Variants in SPIDR observed in about 807,000 individuals in gnomAD.
SPIDR encodes scaffold protein involved in DNA repair.
SPIDR carries 93 observed loss-of-function variants against 104.6 expected under a neutral mutation model. The ratio of observed to expected loss-of-function variants is 0.89; its 90% CI spans 0.75 to 1.06. The LOEUF (loss-of-function observed/expected upper bound fraction) is 1.06, where lower values mean the gene tolerates loss of function less well. Among genes scored for constraint, SPIDR ranks in the 50% least tolerant of loss-of-function variants. SPIDR has a pLI of 0.00. For synonymous variants in SPIDR, 431 were observed against 416.9 expected (o/e 1.03, Z -0.41); for missense variants, 1,154 against 1,111.2 (o/e 1.04, Z -0.55).
intron 5 of SPIDR, among the ~76,000 whole-genome samples, chr8:47,322,570 C>T (rs1244160314): frequency 6.6e-6 from 1 of 152,158 alleles, no homozygotes; most frequent in African/African-American, 2.4e-5. Context: ...CCATTTGACC[C>T]AGCCATCCCA....
intron 5 of SPIDR, among the ~76,000 whole-genome samples, chr8:47,390,210 C>T (rs782260783): frequency 6.6e-6 from 1 of 152,092 alleles, no homozygotes; most frequent in Non-Finnish European, 1.5e-5. Flanking sequence ...GAGCCATCTC[C>T]CAGTTGCCAG....
At chr8:47,469,905 T>C (rs782619070) in intron 8 of SPIDR, among the ~76,000 whole-genome samples, 1 of 152,144 alleles carries the variant, frequency 6.6e-6, no homozygotes, top group Non-Finnish European at 1.5e-5. Context: ...TGAAATAAAT[T>C]AAGGAAGACA....
chr8:47,409,374 T>C (rs1033551526), intron 7 of SPIDR, among the ~76,000 whole-genome samples: 1 of 152,154 alleles, frequency 6.6e-6, no homozygotes, highest in Non-Finnish European at 1.5e-5. Flanking sequence ...TTGCTTGATA[T>C]TGAAAAGATT....
chr8:47,348,594 A>G (rs1554620010), intron 5 of SPIDR, among the ~76,000 whole-genome samples: 3 of 152,330 alleles, frequency 2.0e-5, no homozygotes, highest in South Asian at 2.1e-4. Context: ...AGGTACACCA[A>G]TCAAACATAG....
chr8:47,330,436 G>A (rs2048469004), intron 5 of SPIDR, among the ~76,000 whole-genome samples: 1 of 152,176 alleles, frequency 6.6e-6, no homozygotes, highest in African/African-American at 2.4e-5. Context: ...TTGAACAAAT[G>A]TATAAAAATA....
chr8:47,575,462 T>C (rs1473542744), intron 8 of SPIDR, among the ~76,000 whole-genome samples: 7 of 148,516 alleles, frequency 4.7e-5, no homozygotes, highest in Non-Finnish European at 7.4e-5. Flanking sequence ...GCTAACACGG[T>C]GAAACCCCGT....
intron 8 of SPIDR, among the ~76,000 whole-genome samples, chr8:47,573,943 T>G (rs2058800281): frequency 6.6e-6 from 1 of 152,236 alleles, no homozygotes; most frequent in African/African-American, 2.4e-5. Context: ...AGAGAAATTA[T>G]GCTTCCTCTG....
At chr8:47,338,312 T>C (rs2050134609) in intron 5 of SPIDR, among the ~76,000 whole-genome samples, 1 of 152,206 alleles carries the variant, frequency 6.6e-6, no homozygotes, top group Admixed American at 6.5e-5. Context: ...CCCATATAAA[T>C]TTAACATGAC....
intron 5 of SPIDR, among the ~76,000 whole-genome samples, chr8:47,348,515 T>C (rs1554619941): frequency 6.6e-6 from 1 of 152,218 alleles, no homozygotes; most frequent in Non-Finnish European, 1.5e-5. Flanking sequence ...GTTGGGGAAG[T>C]TTTCCTGGAT....
At chr8:47,661,157 G>A (rs975468426) in intron 10 of SPIDR, among the ~76,000 whole-genome samples, 3 of 152,194 alleles carry the variant, frequency 2.0e-5, no homozygotes, top group African/African-American at 7.2e-5. Context: ...TCACTTGACG[G>A]ACTGTTATTC....
At chr8:47,652,861 T>C (rs1442116519) in intron 10 of SPIDR, among the ~76,000 whole-genome samples, 1 of 152,166 alleles carries the variant, frequency 6.6e-6, no homozygotes, top group Non-Finnish European at 1.5e-5. Context: ...AGCCAGTCAG[T>C]CAGCTTAGAA....
intron 10 of SPIDR, among the ~76,000 whole-genome samples, chr8:47,626,333 G>T (rs1483304991): frequency 7.9e-5 from 12 of 152,144 alleles, no homozygotes; most frequent in Non-Finnish European, 1.8e-4. Context: ...CATGGGCAAG[G>T]ACTCCATGAC....
chr8:47,408,069 T>A (rs564508678), intron 7 of SPIDR, 108 bp downstream of exon 7: 34 of 532,324 alleles, frequency 6.4e-5, no homozygotes, highest in African/African-American at 3.9e-4. Flanking sequence ...CATGACTTTT[T>A]AAAAATTTTT....
intron 8 of SPIDR, among the ~76,000 whole-genome samples, chr8:47,523,885 A>G (rs2084577024): frequency 6.6e-6 from 1 of 152,224 alleles, no homozygotes. Context: ...AAGTCTTCCC[A>G]CAGAACTGCA....
chr8:47,322,759 T>G (rs1000400595), intron 5 of SPIDR, among the ~76,000 whole-genome samples: 2 of 151,968 alleles, frequency 1.3e-5, no homozygotes, highest in African/African-American at 2.4e-5. Flanking sequence ...TATGCAGCCA[T>G]AAAAAAGGAT....
intron 10 of SPIDR, among the ~76,000 whole-genome samples, chr8:47,641,154 G>A (rs1486790435): frequency 6.6e-6 from 1 of 151,648 alleles, no homozygotes; most frequent in African/African-American, 2.4e-5. Flanking sequence ...AATAAGACTA[G>A]GTAATTTTTA....
At chr8:47,556,485 T>TA (rs1213275013) in intron 8 of SPIDR, among the ~76,000 whole-genome samples, 19 of 152,248 alleles carry the variant, frequency 1.2e-4, no homozygotes, top group African/African-American at 4.6e-4. Context: ...GCCAGCAACC[T>TA]ATAATGCCTA....
intron 10 of SPIDR, among the ~76,000 whole-genome samples, chr8:47,639,429 A>G (rs2068485646): frequency 6.6e-6 from 1 of 152,232 alleles, no homozygotes; most frequent in Non-Finnish European, 1.5e-5. Flanking sequence ...AGAGAGATAC[A>G]TTATTTCTGG....
At chr8:47,418,453 T>A (rs1441939969) in intron 7 of SPIDR, among the ~76,000 whole-genome samples, 1 of 152,188 alleles carries the variant, frequency 6.6e-6, no homozygotes, top group African/African-American at 2.4e-5. Context: ...TGCTTGTGAT[T>A]TTTGCAAATT....
Sources: gnomAD v4.1 joint callset for allele counts (sites outside exome capture counted in the v4.1 genomes callset) on GRCh38, gnomAD v4.1.1 for gene constraint, MANE v1.5 for transcripts, NCBI Gene and HGNC (gene_info 2026-07-23, HGNC 2026-07-21) for gene names.